ABCB5: variants seen among roughly 807,000 people sequenced by gnomAD.
ABCB5 encodes the protein ATP-binding cassette sub-family B member 5.
Under a neutral mutation model 144.2 loss-of-function variants are expected in ABCB5, and 155 were observed. The observed-to-expected ratio is 1.08, with a 90% CI of 0.94 to 1.23. The LOEUF is 1.23. Among genes scored for constraint, ABCB5 ranks in the 50% most tolerant of loss-of-function variants. The pLI, the probability that ABCB5 is intolerant of heterozygous loss-of-function variation, is 0.00. For synonymous variants in ABCB5, 610 were observed against 528.6 expected (o/e 1.15, Z -2.11); for missense variants, 1,830 against 1,520.8 (o/e 1.20, Z -3.38).
intron 20 of ABCB5, among the ~76,000 whole-genome samples, chr7:20,717,437 C>G (rs75219921): frequency 1.5e-5 from 2 of 133,002 alleles, no homozygotes; most frequent in Non-Finnish European, 3.2e-5. Flanking sequence ...CAGATTTCCT[C>G]TTTTTTTTTT....
chr7:20,624,097 T>C (rs959678428), intron 2 of ABCB5, among the ~76,000 whole-genome samples: 2 of 152,240 alleles, frequency 1.3e-5, no homozygotes, highest in Non-Finnish European at 2.9e-5. Flanking sequence ...AATGTTCTCC[T>C]TTCTAAGCAC....
intron 26 of ABCB5, among the ~76,000 whole-genome samples, chr7:20,752,919 T>C (rs1209946413): frequency 6.6e-6 from 1 of 152,176 alleles, no homozygotes; most frequent in Non-Finnish European, 1.5e-5. Flanking sequence ...TCCCAGCATC[T>C]GTAAGGATGT....
intron 12 of ABCB5, among the ~76,000 whole-genome samples, chr7:20,650,613 T>C (rs1784554387): frequency 6.6e-6 from 1 of 152,030 alleles, no homozygotes; most frequent in Non-Finnish European, 1.5e-5. Context: ...CTTAACTTTC[T>C]CAGCCTTGTA....
intron 25 of ABCB5, among the ~76,000 whole-genome samples, chr7:20,743,322 T>C (rs1335289610): frequency 8.5e-5 from 13 of 152,156 alleles, no homozygotes. Context: ...GAAATGTTGA[T>C]CTTAGCCATG....
chr7:20,730,566 T>C (rs62453386), intron 23 of ABCB5, among the ~76,000 whole-genome samples: 1 of 152,156 alleles, frequency 6.6e-6, no homozygotes, highest in African/African-American at 2.4e-5. Context: ...TATGTTCTCC[T>C]AGCCTCTAAA....
At chr7:20,736,767 G>A (rs149466855) in intron 23 of ABCB5, among the ~76,000 whole-genome samples, 1 of 152,216 alleles carries the variant, frequency 6.6e-6, no homozygotes, top group East Asian at 1.9e-4. Flanking sequence ...CTGAATTTCA[G>A]TTTAGCTCAC....
Position 20,745,414 on chromosome 7 carries a change from T to C in ABCB5, c.3405T>C (p.His1135=), listed in dbSNP as rs747208443. The C allele has an allele frequency of 1.2e-6, 2 of 1,614,202 alleles. No individual in the cohort carries two copies. Among genetic ancestry groups the C allele is most frequent in the South Asian group, 2.2e-5 (2 of 91,082 alleles). ...IKEAANAANI[H]SFIEGLPEKY... is the part of the protein sequence containing the mutation. ...AAGCCGCAAATGCAGCAAATATCCA[T>C]TCTTTTATTGAAGGTCTCCCTGAGG... Residue 1135 remains histidine (H), a synonymous_variant, in exon 26 of 28, where the codon CAT becomes CAC. Transcript: ENST00000404938.
intron 20 of ABCB5, among the ~76,000 whole-genome samples, chr7:20,711,122 T>A (rs1236337081): frequency 6.9e-6 from 1 of 143,984 alleles, no homozygotes; most frequent in Non-Finnish European, 1.5e-5. Context: ...AGTCTCCTTC[T>A]ATATATGTAA....
chr7:20,731,773 T>G (rs1399391196), intron 23 of ABCB5, among the ~76,000 whole-genome samples: 1 of 152,172 alleles, frequency 6.6e-6, no homozygotes, highest in Non-Finnish European at 1.5e-5. Context: ...CTCTTGCCAT[T>G]GTCCACCACA....
At chr7:20,728,590 C>A in intron 23 of ABCB5, 135 bp downstream of exon 23, 1 of 1,052,500 alleles carries the variant, frequency 9.5e-7, no homozygotes. Context: ...CCCATCTCTA[C>A]TAAAAATACA....
chr7:20,726,358 CTTTTTTT>C (rs1172285058), intron 21 of ABCB5, among the ~76,000 whole-genome samples: 4 of 78,420 alleles, frequency 5.1e-5, no homozygotes, highest in South Asian at 5.8e-4. Context: ...TCTCTGCTAT[CTTTTTTT>C]TTTTTTTTTT....
intron 3 of ABCB5, 110 bp downstream of exon 3, chr7:20,626,721 G>T: frequency 1.2e-6 from 1 of 807,182 alleles, no homozygotes; most frequent in Non-Finnish European, 1.8e-6. Flanking sequence ...TGGGAAAGAG[G>T]GAACTAAAAT....
intron 26 of ABCB5, among the ~76,000 whole-genome samples, chr7:20,752,750 G>A (rs770876622): frequency 2.6e-5 from 4 of 152,236 alleles, no homozygotes; most frequent in Non-Finnish European, 5.9e-5. Context: ...GGGAGGCTGA[G>A]GCAGAGAATC....
intron 13 of ABCB5, among the ~76,000 whole-genome samples, chr7:20,653,437 TTATAA>T (rs1784669320): frequency 6.6e-6 from 1 of 152,238 alleles, no homozygotes; most frequent in Non-Finnish European, 1.5e-5. Context: ...ATTACTTCCC[TTATAA>T]TATACACAGA....
rs368972245 is a variant in ABCB5 at position 20,725,536 on chromosome 7, A to T, written c.2626-1504A>T. Reference sequence around the variant, plus strand: ...AGAGGTTGCAGTGAGCCAAGATCGCACCACTGCACTCCAGCCTGGGCAACA... The same window carrying T: ...AGAGGTTGCAGTGAGCCAAGATCGCTCCACTGCACTCCAGCCTGGGCAACA... On this transcript the variant is annotated intron_variant, in intron 21 of 27. Transcript: ENST00000404938. Among the ~76,000 whole-genome samples the T allele has an allele frequency of 1.1e-4, 17 of 152,282 alleles. No individual in the cohort carries two copies. In the East Asian group the frequency reaches 3.3e-3, roughly 29 times the overall value.
At chr7:20,696,463 C>T (rs1786418233) in intron 16 of ABCB5, among the ~76,000 whole-genome samples, 1 of 151,930 alleles carries the variant, frequency 6.6e-6, no homozygotes, top group South Asian at 2.1e-4. Context: ...GATAAAAAAG[C>T]AGGAGAAAAC....
chr7:20,742,427 C>T (rs892839944), intron 24 of ABCB5, among the ~76,000 whole-genome samples: 56 of 152,274 alleles, frequency 3.7e-4, no homozygotes, highest in African/African-American at 1.3e-3. Context: ...TCAAAACATA[C>T]TGTACCTTCA....
chr7:20,727,896 C>T (rs2128051217), intron 22 of ABCB5, among the ~76,000 whole-genome samples: 1 of 152,218 alleles, frequency 6.6e-6, no homozygotes, highest in South Asian at 2.1e-4. Flanking sequence ...TAGCTTTTTA[C>T]TCTTTTGGAC....
intron 15 of ABCB5, among the ~76,000 whole-genome samples, chr7:20,682,282 AAC>A (rs2128039305): frequency 6.6e-6 from 1 of 152,340 alleles, no homozygotes; most frequent in South Asian, 2.1e-4. Context: ...AAAGAAATAT[AAC>A]ACACAGTCTT....
Sources: gnomAD v4.1 joint callset for allele counts (sites outside exome capture counted in the v4.1 genomes callset) on GRCh38, gnomAD v4.1.1 for gene constraint, MANE v1.5 for transcripts, NCBI Gene and HGNC (gene_info 2026-07-23, HGNC 2026-07-21) for gene names.